Variants in USP10 observed in about 807,000 individuals in gnomAD.
USP10 encodes the protein ubiquitin specific peptidase 10.
Under a neutral mutation model 84.5 loss-of-function variants are expected in USP10, and 22 were observed. The observed-to-expected ratio is 0.26, with a 90% CI of 0.19 to 0.37. The LOEUF (loss-of-function observed/expected upper bound fraction) is 0.37, where lower values mean the gene tolerates loss of function less well. USP10 is among the 10% of genes least tolerant of loss of function. USP10 has a pLI of 1.00. For missense variants in USP10, 1,019 were observed against 998.9 expected, an observed-to-expected ratio of 1.02 and a Z score of -0.27; for synonymous variants, 454 against 387.6, an observed-to-expected ratio of 1.17 and a Z score of -2.01.
At chr16:84,757,402 GGTGTGTGTGTGTGT>G (rs58812391) in intron 4 of USP10, among the ~76,000 whole-genome samples, 11 of 82,810 alleles carry the variant, frequency 1.3e-4, no homozygotes, top group African/African-American at 2.2e-4. Flanking sequence ...GAGGGGTGGG[GGTGTGTGTGTGTGT>G]GTGTGTGTGT....
At chr16:84,778,600 G>T (rs1915260971) in intron 13 of USP10, among the ~76,000 whole-genome samples, 1 of 152,204 alleles carries the variant, frequency 6.6e-6, no homozygotes, top group Non-Finnish European at 1.5e-5. Flanking sequence ...TGGCTGTGTA[G>T]GAGTGTCTGT....
chr16:84,745,601 T>G lies in USP10; in HGVS notation c.1120T>G (p.Ser374Ala). The G allele has an allele frequency of 1.2e-6, 2 of 1,613,694 alleles. No homozygotes were observed. The highest frequency in any genetic ancestry group is 1.7e-6 in the Non-Finnish European group (2 of 1,179,760). Residue 374 changes from serine to alanine, a missense_variant, in exon 4 of 14, where the codon TCT becomes GCT. Around this residue, in one of 2 missense-constraint regions of USP10, gnomAD observed 787 missense variants for 708.8 expected, o/e 1.11. Coordinates refer to ENST00000219473, the MANE Select transcript of USP10 (RefSeq NM_005153.3). The stretch of plus-strand genomic sequence containing the variant: ...CCCTCCCGCCATATCTCCCCTGGTT[T>G]CTGAAAAGCAGGTTGAAGTCAAAGA... ...YSPPAISPLV[S>A]EKQVEVKEGL...
intron 2 of USP10, among the ~76,000 whole-genome samples, chr16:84,737,453 T>G (rs561108702): frequency 6.6e-6 from 1 of 152,356 alleles, no homozygotes; most frequent in Non-Finnish European, 1.5e-5. Context: ...TACCACAGAC[T>G]AAGTGCATCT....
At chr16:84,727,712 A>G (rs576096793) in intron 1 of USP10, among the ~76,000 whole-genome samples, 56 of 152,346 alleles carry the variant, frequency 3.7e-4, no homozygotes, top group African/African-American at 9.9e-4. Context: ...ATATACAGAC[A>G]TACAATATTT....
Position 84,744,496 on chromosome 16 carries a change from C to A in USP10, c.152-137C>A, listed in dbSNP as rs879703406. On this transcript the variant is annotated intron_variant, in intron 3 of 13. Transcript: ENST00000219473. ...GTTTCATTTTCCGCAAATTGTTCAG[C>A]GTAAGTAAAGGACGTAATAGATTTG... 3 of 743,084 alleles carry A rather than the reference C, an allele frequency of 4.0e-6. No homozygotes were observed. In the South Asian group the frequency reaches 7.8e-5, roughly 19 times the overall value. 46.0% of individuals were successfully genotyped at this position (743,084 alleles called of 1,614,324 possible). A position where few individuals can be genotyped will look rare whatever the true frequency, so the allele number is the denominator to read the frequency against.
At position 84,732,701 on chromosome 16, in the gene USP10, G is replaced by C. The variant is rs536312225; in HGVS notation, c.22-734G>C. ...GACCTTAAGTGATTCGCCCATGTCA[G>C]CCTCCCAGAGTGCTGGGATTATAGG... On this transcript the variant is annotated intron_variant, in intron 1 of 13. Coordinates refer to ENST00000219473, the MANE Select transcript of USP10 (RefSeq NM_005153.3). 4.5e-4 allele frequency: 133 copies of C among 298,394 alleles called. 3 individuals are homozygous for C. The highest frequency in any genetic ancestry group is 3.5e-3 in the South Asian group (132 of 37,636). 18.5% of individuals were successfully genotyped at this position (298,394 alleles called of 1,614,324 possible).
At chr16:84,714,148 C>G (rs1241147786) in intron 1 of USP10, among the ~76,000 whole-genome samples, 1 of 152,136 alleles carries the variant, frequency 6.6e-6, no homozygotes, top group Non-Finnish European at 1.5e-5. Context: ...GTTGCAGAGA[C>G]CCAGTTGAGA....
chr16:84,728,438 C>T (rs1420210445), intron 1 of USP10, among the ~76,000 whole-genome samples: 2 of 151,878 alleles, frequency 1.3e-5, no homozygotes, highest in African/African-American at 4.8e-5. Context: ...CTCCCCGGTT[C>T]AAGCGATTCC....
At chr16:84,730,802 A>G (rs947476787) in intron 1 of USP10, among the ~76,000 whole-genome samples, 1 of 152,158 alleles carries the variant, frequency 6.6e-6, no homozygotes, top group Non-Finnish European at 1.5e-5. Flanking sequence ...ATTTAAATAA[A>G]CATTTTTATT....
intron 13 of USP10, among the ~76,000 whole-genome samples, chr16:84,775,917 T>C (rs568374511): frequency 1.3e-5 from 2 of 152,268 alleles, no homozygotes; most frequent in South Asian, 4.1e-4. Context: ...TTTACCTCTT[T>C]GGATTGTTGC....
intron 8 of USP10, 74 bp downstream of exon 8, chr16:84,760,349 T>A: frequency 7.5e-7 from 1 of 1,330,542 alleles, no homozygotes; most frequent in Non-Finnish European, 1.1e-6. Context: ...AACTGTTGCT[T>A]ATTGATATTT....
intron 1 of USP10, among the ~76,000 whole-genome samples, chr16:84,722,874 A>G (rs57798593): frequency 0.035 from 5,382 of 152,260 alleles, 293 homozygotes; most frequent in African/African-American, 0.12. Context: ...TTAATTTTAT[A>G]GTACATCAAT....
rs190314452 is a variant in USP10, at chr16:84,779,084, C to T, written c.*2C>T. The T allele has an allele frequency of 6.6e-5, 107 of 1,612,414 alleles. No homozygotes were observed. The highest frequency in any genetic ancestry group is 1.7e-4 in the Middle Eastern group (1 of 6,050). On this transcript the variant is annotated 3_prime_UTR_variant, in exon 14 of 14. Coordinates refer to ENST00000219473, the MANE Select transcript of USP10 (RefSeq NM_005153.3). ...TACCGCCGAGTGGACCTGCTGTAAA[C>T]CCTGTGTGCGCTGTGTGTGCGCCCA... is the stretch of plus-strand genomic sequence containing the variant.
rs991191367 is a variant in USP10 at position 84,741,692 on chromosome 16, G to A, written c.151+1323G>A. 5.3e-5 allele frequency among the ~76,000 whole-genome samples: 8 copies of A among 152,154 alleles called. No homozygotes were observed. In the East Asian group the frequency reaches 1.5e-3, roughly 29 times the overall value. On this transcript the variant is annotated intron_variant, in intron 3 of 13. Transcript: ENST00000219473. ...CCTGCCTTTTTTCTGCCAAAAACAC[G>A]ACTGGAATCTTGCCACCAGTTTGCA... is the stretch of plus-strand genomic sequence containing the variant.
Position 84,759,882 on chromosome 16 carries a change from C to T in USP10, c.1395-9C>T, listed in dbSNP as rs769517916. 14 of 1,613,640 alleles carry T rather than the reference C, an allele frequency of 8.7e-6. No individual in the cohort carries two copies. The highest frequency in any genetic ancestry group is 1.1e-5 in the Non-Finnish European group (13 of 1,179,694). On this transcript the variant is annotated splice_polypyrimidine_tract_variant and intron_variant, in intron 6 of 13. Transcript: ENST00000219473. Reference sequence around the variant, plus strand: ...ACTGCACTATTTAACATTTTTTCCCCATGTTTAGTGTTCGGCTAATGAATG... The same window carrying T: ...ACTGCACTATTTAACATTTTTTCCCTATGTTTAGTGTTCGGCTAATGAATG...
chr16:84,710,926 T>A (rs187778660), intron 1 of USP10, among the ~76,000 whole-genome samples: 2 of 152,320 alleles, frequency 1.3e-5, no homozygotes, highest in Non-Finnish European at 2.9e-5. Context: ...TGAATAGCAA[T>A]AACGAAATCG....
chr16:84,774,838 T>G (rs1914827233), intron 12 of USP10, among the ~76,000 whole-genome samples: 1 of 152,166 alleles, frequency 6.6e-6, no homozygotes. Context: ...TTCACAACTG[T>G]TTTTGTTTTT....
intron 4 of USP10, among the ~76,000 whole-genome samples, chr16:84,749,664 G>T (rs919301792): frequency 1.3e-5 from 2 of 151,982 alleles, no homozygotes; most frequent in African/African-American, 2.4e-5. Flanking sequence ...CACATTTCTG[G>T]ACTATTTCCC....
chr16:84,720,076 C>CT (rs774568358), intron 1 of USP10, among the ~76,000 whole-genome samples: 2 of 152,226 alleles, frequency 1.3e-5, no homozygotes, highest in Non-Finnish European at 2.9e-5. Flanking sequence ...GGAGAGGAGT[C>CT]TATTTACCAG....
Sources: gnomAD v4.1 joint callset for allele counts (sites outside exome capture counted in the v4.1 genomes callset) on GRCh38, gnomAD v4.1.1 for gene constraint, gnomAD v4.1.1 regional missense constraint, MANE v1.5 for transcripts, NCBI Gene and HGNC (gene_info 2026-07-23, HGNC 2026-07-21) for gene names.